SLC4A4: variants seen among roughly 807,000 people sequenced by gnomAD.
SLC4A4 encodes the protein solute carrier family 4 member 4.
A neutral mutation model predicts 111.5 loss-of-function variants in SLC4A4; 27 were observed. The observed-to-expected ratio is 0.24, with a 90% CI of 0.18 to 0.33. The LOEUF (loss-of-function observed/expected upper bound fraction) is 0.33. Among genes scored for constraint, SLC4A4 ranks in the 10% least tolerant of loss-of-function variants. The probability of loss-of-function intolerance (pLI) is 1.00; values close to 1 mark genes in which losing one functional copy is unlikely to be tolerated. For synonymous variants in SLC4A4, 443 were observed against 463.4 expected, an observed-to-expected ratio of 0.96 and a Z score of 0.57; for missense variants, 909 against 1,315.5, an observed-to-expected ratio of 0.69 and a Z score of 4.78.
intron 14 of SLC4A4, among the ~76,000 whole-genome samples, chr4:71,478,256 A>G (rs993083215): frequency 1.3e-5 from 2 of 152,002 alleles, no homozygotes; most frequent in African/African-American, 4.8e-5. Context: ...CAATCCCGTG[A>G]CTGGGTATAT....
At position 71,570,481 on chromosome 4, in the gene SLC4A4, A is replaced by G. The variant is rs748389568; in HGVS notation, c.*2730A>G. ...TACCTAGTGACACCAAATTATCGGTATTTTAACTGAATTTACCCATTGACT... is the reference window on the plus strand; with the variant it reads ...TACCTAGTGACACCAAATTATCGGTGTTTTAACTGAATTTACCCATTGACT... On this transcript the variant is annotated 3_prime_UTR_variant, in exon 26 of 26. Transcript: ENST00000264485. The G allele has an allele frequency of 1.3e-5, 2 of 152,268 alleles. No homozygotes were observed. The highest frequency in any genetic ancestry group is 2.9e-5 in the Non-Finnish European group (2 of 67,854). The allele number at this position is 152,268 out of a possible 1,614,324, so 9.4% of individuals were successfully genotyped here.
intron 2 of SLC4A4, among the ~76,000 whole-genome samples, chr4:71,144,739 T>C (rs1420318496): frequency 1.3e-5 from 2 of 152,076 alleles, no homozygotes; most frequent in Non-Finnish European, 2.9e-5. Flanking sequence ...CATGATTTGG[T>C]TCTCTGTTAG....
chr4:71,512,313 T>G (rs571364169), intron 16 of SLC4A4, among the ~76,000 whole-genome samples: 2 of 152,236 alleles, frequency 1.3e-5, no homozygotes, highest in African/African-American at 4.8e-5. Context: ...CATCTTATTT[T>G]TGGTCTTTTT....
rs1560538488 is a variant in SLC4A4 at position 71,472,702 on chromosome 4, C to A, written c.1635C>A (p.Asp545Glu). 3.7e-6 allele frequency: 6 copies of A among 1,612,370 alleles called. No homozygotes were observed. The highest frequency in any genetic ancestry group is 5.1e-6 in the Non-Finnish European group (6 of 1,178,996). Residue 545 changes from aspartate (D) to glutamate (E), a missense_variant, in exon 14 of 26, where the codon GAC (aspartate) becomes GAA (glutamate). This residue lies in a region of SLC4A4 where 264 missense variants were observed against 356.8 expected (regional missense o/e 0.74). Transcript: ENST00000264485. ...FERLLFNFSK[D>E]NNFDYLEFRL... is the part of the protein sequence containing the mutation. ...CATTTTTCTTTCTTTTTTCCAGGGA[C>A]AATAATTTTGACTATTTGGAGTTTC...
intron 1 of SLC4A4, among the ~76,000 whole-genome samples, chr4:71,230,136 G>A (rs143628720): frequency 7.3e-4 from 111 of 152,298 alleles, no homozygotes; most frequent in African/African-American, 2.3e-3. Flanking sequence ...TCTTAAACAT[G>A]ATTTGAATAG....
chr4:71,497,091 C>A (rs145681851), intron 15 of SLC4A4, among the ~76,000 whole-genome samples: 1 of 152,046 alleles, frequency 6.6e-6, no homozygotes, highest in African/African-American at 2.4e-5. Flanking sequence ...CAGGTAGACA[C>A]GTAAGAAGCT....
At chr4:71,251,974 G>A (rs2060903) in intron 2 of SLC4A4, among the ~76,000 whole-genome samples, 104,622 of 151,992 alleles carry the variant, frequency 0.69, 39,925 homozygotes, top group Non-Finnish European at 0.87. Flanking sequence ...TCATATTACA[G>A]GGAAAACAAT....
chr4:71,268,174 A>T (rs1336765100), intron 3 of SLC4A4, among the ~76,000 whole-genome samples: 1 of 134,726 alleles, frequency 7.4e-6, no homozygotes, highest in Non-Finnish European at 1.5e-5. Context: ...TGGCTCTATG[A>T]TTTTGTCTAT....
intron 3 of SLC4A4, among the ~76,000 whole-genome samples, chr4:71,307,831 A>C (rs1040408060): frequency 2.0e-5 from 3 of 152,140 alleles, no homozygotes; most frequent in South Asian, 4.2e-4. Context: ...TAAAAACCAA[A>C]GTGTCAAGAT....
intron 1 of SLC4A4, among the ~76,000 whole-genome samples, chr4:71,072,502 G>C (rs1741694477): frequency 1.3e-5 from 2 of 152,096 alleles, no homozygotes; most frequent in South Asian, 4.2e-4. Context: ...AAAAATGATA[G>C]GCATAGTCTT....
At chr4:71,092,900 C>A (rs1039722135) in intron 2 of SLC4A4, among the ~76,000 whole-genome samples, 5 of 152,094 alleles carry the variant, frequency 3.3e-5, no homozygotes, top group Middle Eastern at 3.4e-3. Context: ...ATCACGACCA[C>A]CCTGGCCAAC....
intron 3 of SLC4A4, among the ~76,000 whole-genome samples, chr4:71,293,487 C>T (rs1290162611): frequency 2.6e-5 from 4 of 151,244 alleles, no homozygotes; most frequent in South Asian, 4.2e-4. Context: ...TGCTTAAACC[C>T]GGGAGGCGGA....
intron 1 of SLC4A4, among the ~76,000 whole-genome samples, chr4:71,233,699 A>G (rs1203647461): frequency 1.3e-5 from 2 of 152,110 alleles, no homozygotes; most frequent in Non-Finnish European, 2.9e-5. Context: ...TGTAATAAGC[A>G]TCTTATTCTT....
intron 5 of SLC4A4, among the ~76,000 whole-genome samples, chr4:71,351,846 C>G (rs555795583): frequency 1.8e-4 from 27 of 152,300 alleles, no homozygotes; most frequent in Middle Eastern, 3.4e-3. Context: ...GTTTGTAAAT[C>G]TACCACTTTG....
chr4:71,247,317 A>G (rs941339316), intron 2 of SLC4A4, among the ~76,000 whole-genome samples: 3 of 148,252 alleles, frequency 2.0e-5, no homozygotes, highest in Non-Finnish European at 4.5e-5. Flanking sequence ...CATATATGAT[A>G]TATAATTATG....
chr4:71,254,023 T>A (rs1434583173), intron 2 of SLC4A4, among the ~76,000 whole-genome samples: 2 of 152,192 alleles, frequency 1.3e-5, no homozygotes, highest in Non-Finnish European at 2.9e-5. Context: ...ACCCCGTAGG[T>A]TACTGTGGAA....
chr4:71,324,669 G>A (rs1727372710), intron 3 of SLC4A4, among the ~76,000 whole-genome samples: 1 of 151,954 alleles, frequency 6.6e-6, no homozygotes, highest in Non-Finnish European at 1.5e-5. Context: ...AATACAAGGA[G>A]TACTACCTTT....
At chr4:71,352,827 C>T (rs776866841) in intron 5 of SLC4A4, among the ~76,000 whole-genome samples, 29 of 152,112 alleles carry the variant, frequency 1.9e-4, no homozygotes, top group Non-Finnish European at 3.5e-4. Context: ...ACTTCATGAA[C>T]GGGAGACAAG....
In SLC4A4 at chr4:71,224,396, T is replaced by C. The variant is rs188971472; in HGVS notation, c.-1-12180T>C. On this transcript the variant is annotated intron_variant, in intron 1 of 25. Coordinates refer to ENST00000264485, the MANE Select transcript of SLC4A4 (RefSeq NM_001098484.3). ...TGGCTAAAAAGAGGCAGCTTGACAT[T>C]GAGTGGGTAAGAGAACAGATTTTGG... Among the ~76,000 whole-genome samples the C allele has an allele frequency of 9.8e-5, 15 of 152,308 alleles. No homozygotes were observed. In the East Asian group the frequency reaches 2.9e-3, roughly 29 times the overall value.
Sources: gnomAD v4.1 joint callset for allele counts (sites outside exome capture counted in the v4.1 genomes callset) on GRCh38, gnomAD v4.1.1 for gene constraint, gnomAD v4.1.1 regional missense constraint, MANE v1.5 for transcripts, NCBI Gene and HGNC (gene_info 2026-07-23, HGNC 2026-07-21) for gene names.